MYH10: variants seen among roughly 807,000 people sequenced by gnomAD.
The protein encoded by MYH10 is myosin-10.
In MYH10, 55 loss-of-function variants were observed where a neutral mutation model predicts 257.8. That is an observed-to-expected ratio of 0.21 (90% CI 0.17 to 0.27). The LOEUF (loss-of-function observed/expected upper bound fraction) is 0.27, where lower values mean the gene tolerates loss of function less well. Among genes scored for constraint, MYH10 ranks in the 10% least tolerant of loss-of-function variants. The probability of loss-of-function intolerance (pLI) is 1.00; values close to 1 mark genes in which losing one functional copy is unlikely to be tolerated. For synonymous variants in MYH10, 854 were observed against 921.7 expected (o/e 0.93, Z 1.33); for missense variants, 1,631 against 2,500.6 (o/e 0.65, Z 7.42).
intron 17 of MYH10, 173 bp from the exon 18 acceptor site, chr17:8,521,458 CCA>C (rs1420794315): frequency 6.3e-6 from 4 of 638,612 alleles, no homozygotes; most frequent in Non-Finnish European, 1.1e-5. Flanking sequence ...GAACTAACAG[CCA>C]CACACTTATA....
intron 37 of MYH10, 125 bp downstream of exon 37, chr17:8,484,013 A>C: frequency 1.1e-6 from 1 of 920,734 alleles, no homozygotes; most frequent in South Asian, 2.0e-5. Context: ...ATACTTAAAA[A>C]AATAAAAAAC....
At chr17:8,589,675 C>T (rs1365938918) in intron 3 of MYH10, among the ~76,000 whole-genome samples, 1 of 152,082 alleles carries the variant, frequency 6.6e-6, no homozygotes, top group Non-Finnish European at 1.5e-5. Context: ...GGAGGATAAA[C>T]ATCTATAAAT....
chr17:8,540,490 A>G (rs566043663), intron 14 of MYH10, among the ~76,000 whole-genome samples: 3 of 152,328 alleles, frequency 2.0e-5, no homozygotes, highest in Middle Eastern at 3.4e-3. Context: ...AGAAGAATTA[A>G]TATTTGTGAG....
At chr17:8,500,744 G>C (rs1917395745) in intron 29 of MYH10, 82 bp downstream of exon 29, 1 of 1,516,812 alleles carries the variant, frequency 6.6e-7, no homozygotes, top group Middle Eastern at 2.4e-4. Context: ...ATACATGACT[G>C]AACAGAACGG....
chr17:8,565,097 T>C (rs1462823843), intron 7 of MYH10, among the ~76,000 whole-genome samples: 1 of 152,182 alleles, frequency 6.6e-6, no homozygotes, highest in Non-Finnish European at 1.5e-5. Flanking sequence ...CATAATACCA[T>C]CTATTGATGT....
At position 8,630,530 on chromosome 17, in the gene MYH10, C is replaced by T. The variant is rs1180724971; in HGVS notation, c.-32+124G>A. The T allele has an allele frequency of 2.6e-5, 4 of 154,936 alleles. No individual in the cohort carries two copies. In the East Asian group the frequency reaches 7.6e-4, roughly 29 times the overall value. 9.6% of individuals were successfully genotyped at this position (154,936 alleles called of 1,614,324 possible). Reference sequence around the variant, plus strand: ...CCTCTGTCTTCCCCAGCTCCCGCTTCGGTCCCCCGTTCCTGTCCTCCAGAG... The same window carrying T: ...CCTCTGTCTTCCCCAGCTCCCGCTTTGGTCCCCCGTTCCTGTCCTCCAGAG... On this transcript the variant is annotated intron_variant, in intron 1 of 42. Transcript: ENST00000360416.
intron 30 of MYH10, among the ~76,000 whole-genome samples, chr17:8,497,122 C>T (rs186509078): frequency 6.6e-6 from 1 of 152,322 alleles, no homozygotes; most frequent in African/African-American, 2.4e-5. Context: ...CCCTCGTGCC[C>T]TTTCCTTTTA....
intron 2 of MYH10, among the ~76,000 whole-genome samples, chr17:8,607,967 C>T (rs532147422): frequency 6.6e-6 from 1 of 152,240 alleles, no homozygotes; most frequent in East Asian, 1.9e-4. Flanking sequence ...CTTTGATGTT[C>T]TTTTTAAAGA....
chr17:8,613,443 G>T (rs1455917450), intron 2 of MYH10, among the ~76,000 whole-genome samples: 1 of 152,086 alleles, frequency 6.6e-6, no homozygotes, highest in Admixed American at 6.5e-5. Flanking sequence ...AATTAGGAAG[G>T]AAGAGGAAAT....
At chr17:8,489,426 G>A (rs1011745846) in intron 35 of MYH10, among the ~76,000 whole-genome samples, 2 of 152,152 alleles carry the variant, frequency 1.3e-5, no homozygotes, top group South Asian at 2.1e-4. Flanking sequence ...AAATCTGGCC[G>A]GGCATGGTGG....
In MYH10 at chr17:8,490,481, C is replaced by A; in HGVS notation, c.4743G>T (p.Glu1581Asp). 6.2e-7 allele frequency: 1 copy of A among 1,614,254 alleles called. No individual in the cohort carries two copies. The highest frequency in any genetic ancestry group is 1.6e-4 in the Middle Eastern group (1 of 6,062). ...QVEEMRTQLEELEDELQATED... is the reference protein window; with the variant it reads ...QVEEMRTQLEDLEDELQATED... ...CCGTGGCCTGGAGTTCGTCTTCCAG[C>A]TCCTCCAGCTGGGTCCTCATTTCCT... is the stretch of plus-strand genomic sequence containing the variant. The change falls in exon 35 of 43, where the codon GAG becomes GAT. Residue 1581 changes from glutamate to aspartate, a missense_variant. Transcript: ENST00000360416. The surrounding 1 kb of genome is among the most constrained non-coding windows in gnomAD (Gnocchi z 4.1).
chr17:8,585,180 T>C (rs972053243), intron 4 of MYH10, among the ~76,000 whole-genome samples: 1 of 127,060 alleles, frequency 7.9e-6, no homozygotes. Context: ...TATATATGTG[T>C]GTGTGTGTGT....
chr17:8,478,276 C>T, intron 41 of MYH10, 62 bp downstream of exon 41: 12 of 1,387,468 alleles, frequency 8.6e-6, no homozygotes, highest in Non-Finnish European at 1.2e-5. Flanking sequence ...GTTGTGCCAC[C>T]AGCTCATTCT....
At chr17:8,517,466 A>C (rs775591631) in intron 21 of MYH10, among the ~76,000 whole-genome samples, 2 of 152,198 alleles carry the variant, frequency 1.3e-5, no homozygotes, top group Non-Finnish European at 2.9e-5. Context: ...CAAACTATTC[A>C]ACCTGTCTCA....
Position 8,491,961 on chromosome 17 carries a change from A to C in MYH10, c.4671+336T>G, listed in dbSNP as rs1597630220. On this transcript the variant is annotated intron_variant, in intron 34 of 42. Coordinates refer to ENST00000360416, the MANE Select transcript of MYH10 (RefSeq NM_001256012.3). The stretch of plus-strand genomic sequence containing the variant: ...CAGGTCCCCACTCACCTCATGTTTG[A>C]TAACTACCTGTGACGGCAGAACCAT... 4.6e-5 allele frequency among the ~76,000 whole-genome samples: 7 copies of C among 152,288 alleles called. No homozygotes were observed. The South Asian group carries it at 1.5e-3, about 32-fold the overall frequency.
chr17:8,615,754 A>C (rs1457893080), intron 2 of MYH10, among the ~76,000 whole-genome samples: 1 of 152,220 alleles, frequency 6.6e-6, no homozygotes, highest in Non-Finnish European at 1.5e-5. Flanking sequence ...TAAAAAATCA[A>C]CCATTCAGGA....
chr17:8,508,808 G>GTACTTT, intron 25 of MYH10, 131 bp from the exon 26 acceptor site: 1 of 1,037,186 alleles, frequency 9.6e-7, no homozygotes. Context: ...CCAGCAGACT[G>GTACTTT]TACACAATCA....
chr17:8,545,403 A>T lies in MYH10; in HGVS notation c.1431+45T>A. 1 of 1,602,612 alleles carries T rather than the reference A, an allele frequency of 6.2e-7. No individual in the cohort carries two copies. The highest frequency in any genetic ancestry group is 1.3e-5 in the African/African-American group (1 of 74,254). ...GTAAGCCTTCATATTTGTTAAAAGA[A>T]CAAACAAAAAGAAGGACGAGCTAGA... On this transcript the variant is annotated intron_variant, in intron 13 of 42. Transcript: ENST00000360416. The surrounding 1 kb of genome is among the most constrained non-coding windows in gnomAD (Gnocchi z 4.7).
At chr17:8,527,912 CGAGAACAATTTAAA>C (rs1206028935) in intron 17 of MYH10, among the ~76,000 whole-genome samples, 1 of 152,172 alleles carries the variant, frequency 6.6e-6, no homozygotes, top group African/African-American at 2.4e-5. Flanking sequence ...CCATTGAAAG[CGAGAACAATTTAAA>C]CACGTAAACT....
Sources: allele counts gnomAD v4.1 joint callset (sites outside exome capture counted in the v4.1 genomes callset), GRCh38; gene constraint gnomAD v4.1.1; non-coding constraint Gnocchi (gnomAD v3.1); transcripts MANE v1.5; gene names NCBI Gene and HGNC (gene_info 2026-07-23, HGNC 2026-07-21).